Variants in PDPR observed in about 807,000 individuals in gnomAD.
The protein encoded by PDPR is pyruvate dehydrogenase phosphatase regulatory subunit, also known as pyruvate dehydrogenase phosphatase regulatory subunit, mitochondrial.
Under a neutral mutation model 102.2 loss-of-function variants are expected in PDPR, and 50 were observed. The observed-to-expected ratio is 0.49, with a 90% confidence interval of 0.39 to 0.62. The LOEUF (loss-of-function observed/expected upper bound fraction) is 0.62. Ranked by LOEUF, PDPR falls within the 20% of genes least tolerant of loss-of-function variation. The pLI, the probability that PDPR is intolerant of heterozygous loss-of-function variation, is 0.00. For missense variants in PDPR, 625 were observed against 1,098.2 expected (o/e 0.57, Z 6.09); for synonymous variants, 259 against 406.0 (o/e 0.64, Z 4.35).
intron 15 of PDPR, among the ~76,000 whole-genome samples, chr16:70,145,360 A>G (rs1234626174): frequency 6.6e-6 from 1 of 152,130 alleles, no homozygotes; most frequent in East Asian, 1.9e-4. Flanking sequence ...CTGGTCTTGA[A>G]CTCTTGACCT....
At position 70,161,275 on chromosome 16, in the gene PDPR, T is replaced by C. The variant is rs1456856882; in HGVS notation, c.*4396T>C. 2 of 138,218 alleles carry C rather than the reference T, an allele frequency of 1.4e-5. No individual in the cohort carries two copies. The highest frequency in any genetic ancestry group is 3.1e-5 in the Non-Finnish European group (2 of 64,956). The allele number at this position is 138,218 out of a possible 1,614,324, so 8.6% of individuals were successfully genotyped here. On this transcript the variant is annotated 3_prime_UTR_variant, in exon 19 of 19. Coordinates refer to ENST00000288050, the MANE Select transcript of PDPR (RefSeq NM_017990.5). ...CAGCCTGGGTAACAGAGTGAGACTC[T>C]TGTCTCAAAAAAAAAAAAAAAAAAA... is the stretch of plus-strand genomic sequence containing the variant.
Position 70,136,333 on chromosome 16 carries a change from T to A in PDPR, c.1137T>A (p.Phe379Leu). ...MGESPAVQGY[F>L]VLAGMNSAGL... ...AGTCTCCTGCAGTGCAGGGCTACTT[T>A]GTCCTGGCAGGAATGAACTCTGCTG... is the stretch of plus-strand genomic sequence containing the variant. Residue 379 changes from phenylalanine to leucine, a missense_variant, in exon 10 of 19, where the codon TTT becomes TTA. Phe to Leu is a conservative substitution (Grantham distance 22). Around this residue, in one of 11 missense-constraint regions of PDPR, gnomAD observed 50 missense variants for 79.9 expected, o/e 0.63. Transcript: ENST00000288050. 6 of 1,613,456 alleles carry A rather than the reference T, an allele frequency of 3.7e-6. No homozygotes were observed. The highest frequency in any genetic ancestry group is 5.1e-6 in the Non-Finnish European group (6 of 1,179,624).
At chr16:70,131,200 A>G (rs1015826784) in intron 7 of PDPR, 102 bp from the exon 8 acceptor site, 3 of 714,368 alleles carry the variant, frequency 4.2e-6, no homozygotes, top group Non-Finnish European at 7.7e-6. Flanking sequence ...CACTGTAGCA[A>G]GAGCACACAT....
At chr16:70,154,891 G>A (rs925136584) in intron 18 of PDPR, among the ~76,000 whole-genome samples, 1 of 152,334 alleles carries the variant, frequency 6.6e-6, no homozygotes, top group Non-Finnish European at 1.5e-5. Flanking sequence ...CGCCCTCCTC[G>A]GCCTCCCAGA....
intron 9 of PDPR, among the ~76,000 whole-genome samples, chr16:70,135,794 G>C (rs1965068711): frequency 6.6e-6 from 1 of 152,246 alleles, no homozygotes; most frequent in African/African-American, 2.4e-5. Flanking sequence ...CCAGCCGGAC[G>C]CAGTGGTTCA....
At chr16:70,141,394 T>C (rs1209005732) in intron 11 of PDPR, among the ~76,000 whole-genome samples, 2 of 152,274 alleles carry the variant, frequency 1.3e-5, no homozygotes, top group Admixed American at 6.5e-5. Context: ...GTGAATAATG[T>C]CATTGGTACA....
At chr16:70,148,706 C>G (rs1966452909) in intron 17 of PDPR, 153 bp downstream of exon 17, 1 of 687,678 alleles carries the variant, frequency 1.5e-6, no homozygotes, top group Non-Finnish European at 2.6e-6. Flanking sequence ...GCCTTGGGAG[C>G]TGAGGTAGGC....
chr16:70,127,771 A>G (rs140872147), intron 4 of PDPR, among the ~76,000 whole-genome samples: 10 of 152,392 alleles, frequency 6.6e-5, no homozygotes, highest in East Asian at 1.9e-4. Flanking sequence ...TTATGGTTCT[A>G]TATCAGGTGT....
At chr16:70,127,421 T>G in intron 4 of PDPR, 28 bp downstream of exon 4, 2 of 1,601,622 alleles carry the variant, frequency 1.2e-6, no homozygotes, top group East Asian at 2.2e-5. Context: ...ATTTATTGCT[T>G]TGCCTGTCCC....
At chr16:70,126,901 G>C (rs1214574874) in intron 3 of PDPR, among the ~76,000 whole-genome samples, 19 of 152,234 alleles carry the variant, frequency 1.2e-4, no homozygotes, top group Admixed American at 4.6e-4. Flanking sequence ...CTGGAGTGCA[G>C]AGATGTGATC....
intron 3 of PDPR, among the ~76,000 whole-genome samples, chr16:70,123,562 GTCTT>G (rs1283319983): frequency 2.0e-5 from 3 of 152,268 alleles, no homozygotes; most frequent in Non-Finnish European, 2.9e-5. Flanking sequence ...TGATGTCAAA[GTCTT>G]TCTCCTATTT....
chr16:70,156,990 A>G lies in PDPR; in HGVS notation c.*111A>G, dbSNP rs1967289573. The G allele has an allele frequency of 2.8e-6, 4 of 1,411,936 alleles. No individual in the cohort carries two copies. Among genetic ancestry groups the G allele is most frequent in the East Asian group, 2.5e-5 (1 of 39,940 alleles). 87.5% of individuals were successfully genotyped at this position (1,411,936 alleles called of 1,614,324 possible). ...TCCTCTTCTGGAGCCTTTGCCTCCC[A>G]TCTCTTATCTCCTTGATATAATTTT... On this transcript the variant is annotated 3_prime_UTR_variant, in exon 19 of 19. Coordinates refer to ENST00000288050, the MANE Select transcript of PDPR (RefSeq NM_017990.5).
chr16:70,141,635 C>G (rs1489892601), intron 11 of PDPR, among the ~76,000 whole-genome samples: 11 of 152,280 alleles, frequency 7.2e-5, no homozygotes, highest in African/African-American at 2.7e-4. Flanking sequence ...AGGACCCTGA[C>G]CTTTCTGCCA....
At chr16:70,151,093 C>T (rs536616202) in intron 17 of PDPR, among the ~76,000 whole-genome samples, 167 of 152,318 alleles carry the variant, frequency 1.1e-3, no homozygotes, top group Non-Finnish European at 1.6e-3. Context: ...CGCCACCACA[C>T]TCGGCTAATT....
At chr16:70,140,043 A>C (rs1965547569) in intron 11 of PDPR, among the ~76,000 whole-genome samples, 1 of 152,278 alleles carries the variant, frequency 6.6e-6, no homozygotes, top group East Asian at 1.9e-4. Flanking sequence ...TTTGGTTAAA[A>C]TGTTGAACTT....
chr16:70,116,834 G>A (rs1475525584), intron 2 of PDPR, among the ~76,000 whole-genome samples: 2 of 152,016 alleles, frequency 1.3e-5, no homozygotes, highest in South Asian at 2.1e-4. Context: ...GAGACATGGC[G>A]CCCGGCCTAA....
intron 3 of PDPR, among the ~76,000 whole-genome samples, chr16:70,126,723 GC>G (rs1481024389): frequency 4.6e-5 from 7 of 152,314 alleles, no homozygotes; most frequent in Non-Finnish European, 8.8e-5. Flanking sequence ...ACACAGTCTG[GC>G]TATGTTGCCC....
chr16:70,126,818 G>T (rs537439758), intron 3 of PDPR, among the ~76,000 whole-genome samples: 1 of 152,378 alleles, frequency 6.6e-6, no homozygotes, highest in East Asian at 1.9e-4. Context: ...GAGCCACTGT[G>T]CCTGGCCTAA....
chr16:70,159,963 T>G lies in PDPR; in HGVS notation c.*3084T>G, dbSNP rs1334224160. The G allele has an allele frequency of 6.5e-6, 1 of 153,234 alleles. No homozygotes were observed. Among genetic ancestry groups the G allele is most frequent in the Non-Finnish European group, 1.5e-5 (1 of 68,814 alleles). 9.5% of individuals were successfully genotyped at this position (153,234 alleles called of 1,614,324 possible). A position where few individuals can be genotyped will look rare whatever the true frequency, so the allele number is the denominator to read the frequency against. ...TTTTGGACTCTTGTGAATGGGTGAC[T>G]GGACTTGGCTTTACAGAGTTGGGTG... On this transcript the variant is annotated 3_prime_UTR_variant, in exon 19 of 19. Transcript: ENST00000288050.
Sources: allele counts gnomAD v4.1 joint callset (sites outside exome capture counted in the v4.1 genomes callset), GRCh38; gene constraint gnomAD v4.1.1; regional missense constraint gnomAD v4.1.1; transcripts MANE v1.5; gene names NCBI Gene and HGNC (gene_info 2026-07-23, HGNC 2026-07-21).